The following LANCL1 variants were observed in gnomAD, a reference collection of about 807,000 sequenced individuals.
LANCL1 encodes the protein LanC like glutathione S-transferase 1, also known as glutathione S-transferase LANCL1.
Under a neutral mutation model 50.6 loss-of-function variants are expected in LANCL1, and 50 were observed. That is an observed-to-expected ratio of 0.99 (90% CI 0.79 to 1.25). The LOEUF (loss-of-function observed/expected upper bound fraction) is 1.25. LANCL1 is among the 50% of genes most tolerant of loss of function. LANCL1 has a pLI of 0.00. For synonymous variants in LANCL1, 188 were observed against 178.6 expected, an observed-to-expected ratio of 1.05 and a Z score of -0.42; for missense variants, 532 against 480.7, an observed-to-expected ratio of 1.11 and a Z score of -1.00.
chr2:210,453,175 A>G (rs2105906008), intron 4 of LANCL1, among the ~76,000 whole-genome samples: 1 of 152,332 alleles, frequency 6.6e-6, no homozygotes, highest in East Asian at 1.9e-4. Context: ...TACTGGCTAT[A>G]AATACTGTCG....
intron 3 of LANCL1, among the ~76,000 whole-genome samples, chr2:210,464,685 G>GACT (rs1473668420): frequency 2.0e-4 from 31 of 152,100 alleles, no homozygotes; most frequent in African/African-American, 6.5e-4. Context: ...TATGCGTACA[G>GACT]GCCGGGCGCG....
intron 4 of LANCL1, among the ~76,000 whole-genome samples, chr2:210,451,484 A>T (rs191434867): frequency 2.2e-3 from 340 of 152,332 alleles, no homozygotes; most frequent in African/African-American, 7.8e-3. Context: ...ACAACAAAAA[A>T]GTAGAAGCAT....
intron 6 of LANCL1, among the ~76,000 whole-genome samples, chr2:210,440,354 G>A (rs187417430): frequency 6.6e-6 from 1 of 152,322 alleles, no homozygotes; most frequent in Non-Finnish European, 1.5e-5. Context: ...CACTAAGTGG[G>A]CAAGCACGAT....
chr2:210,474,986 G>C (rs1400872805), intron 2 of LANCL1, among the ~76,000 whole-genome samples: 1 of 152,152 alleles, frequency 6.6e-6, no homozygotes, highest in Admixed American at 6.5e-5. Context: ...CTGACCTGAA[G>C]ATAATTATAA....
Position 210,435,443 on chromosome 2 carries a change from A to G in LANCL1, c.1067T>C (p.Leu356Ser). The G allele has an allele frequency of 6.2e-7, 1 of 1,613,518 alleles. No individual in the cohort carries two copies. The highest frequency in any genetic ancestry group is 8.5e-7 in the Non-Finnish European group (1 of 1,179,524). Residue 356 changes from leucine to serine, a missense_variant, in exon 9 of 10, where the codon TTA (leucine) becomes TCA (serine). Leu to Ser is a moderately radical substitution (Grantham distance 145). Transcript: ENST00000450366. ...YRACKFAEWC[L>S]EYGEHGCRTP... ...TCTGCATCCATGTTCTCCATACTCT[A>G]AGCACCATTCAGCAAACTGAAAATG...
chr2:210,437,672 C>G lies in LANCL1; in HGVS notation c.873+18G>C. Reference sequence around the variant, plus strand: ...TTTGGTTATTTAAAAAAATTTATTTCAAAAATACACACAGTACCTTATAGG... The same window carrying G: ...TTTGGTTATTTAAAAAAATTTATTTGAAAAATACACACAGTACCTTATAGG... On this transcript the variant is annotated intron_variant, in intron 7 of 9. Transcript: ENST00000450366. 1 of 1,415,682 alleles carries G rather than the reference C, an allele frequency of 7.1e-7. No individual in the cohort carries two copies. The highest frequency in any genetic ancestry group is 1.8e-5 in the South Asian group (1 of 55,662). The allele number at this position is 1,415,682 out of a possible 1,614,324, so 87.7% of individuals were successfully genotyped here.
At chr2:210,468,222 C>T (rs973507025) in intron 3 of LANCL1, 1 of 150,098 alleles carries the variant, frequency 6.7e-6, no homozygotes, top group African/African-American at 2.4e-5. Flanking sequence ...TGTTGTGAAT[C>T]AAAATCCAAA....
chr2:210,471,566 G>C (rs889314268), intron 3 of LANCL1: 1 of 462,038 alleles, frequency 2.2e-6, no homozygotes, highest in Non-Finnish European at 4.3e-6. Context: ...CATGCTTCTG[G>C]ACATATTTTA....
chr2:210,433,080 C>T lies in LANCL1; in HGVS notation c.*1407G>A, dbSNP rs935278995. 1 of 152,550 alleles carries T rather than the reference C, an allele frequency of 6.6e-6. No homozygotes were observed. Among genetic ancestry groups the T allele is most frequent in the African/African-American group, 2.4e-5 (1 of 41,402 alleles). The allele number at this position is 152,550 out of a possible 1,614,324, so 9.4% of individuals were successfully genotyped here. ...CAATAAAAATAGCATGTTTTTGTGA[C>T]CAAGAGAGCTGTGAAATAGGCACAT... On this transcript the variant is annotated 3_prime_UTR_variant, in exon 10 of 10. Transcript: ENST00000450366.
intron 4 of LANCL1, among the ~76,000 whole-genome samples, chr2:210,447,878 G>A (rs1001694457): frequency 6.6e-6 from 1 of 152,136 alleles, no homozygotes; most frequent in African/African-American, 2.4e-5. Context: ...GACCTACAAA[G>A]AGACTTAGAC....
chr2:210,454,512 C>G (rs1264927148), intron 4 of LANCL1, among the ~76,000 whole-genome samples: 1 of 152,150 alleles, frequency 6.6e-6, no homozygotes, highest in South Asian at 2.1e-4. Flanking sequence ...AGTGTTAGCA[C>G]GCGCAGTGGA....
intron 4 of LANCL1, among the ~76,000 whole-genome samples, chr2:210,454,275 G>C (rs1263860084): frequency 2.7e-5 from 4 of 150,760 alleles, no homozygotes; most frequent in African/African-American, 7.3e-5. Context: ...TAAACAATAG[G>C]GGTATAAATC....
At chr2:210,445,270 A>G (rs1693282304) in intron 4 of LANCL1, among the ~76,000 whole-genome samples, 2 of 152,216 alleles carry the variant, frequency 1.3e-5, no homozygotes, top group Non-Finnish European at 2.9e-5. Context: ...CCACGGCATT[A>G]ACTCCATTCC....
chr2:210,475,683 C>T (rs1487647714), intron 2 of LANCL1, among the ~76,000 whole-genome samples: 3 of 152,174 alleles, frequency 2.0e-5, no homozygotes. Flanking sequence ...CAATTATGTT[C>T]ACCCAATGAG....
intron 2 of LANCL1, among the ~76,000 whole-genome samples, chr2:210,474,331 A>G (rs1427373933): frequency 6.6e-6 from 1 of 152,194 alleles, no homozygotes; most frequent in East Asian, 1.9e-4. Context: ...CTTCCTTTCT[A>G]GGACCTGTCC....
intron 9 of LANCL1, among the ~76,000 whole-genome samples, chr2:210,435,038 TCACAGCC>T (rs1692877791): frequency 6.6e-6 from 1 of 152,118 alleles, no homozygotes; most frequent in Non-Finnish European, 1.5e-5. Flanking sequence ...CAAGTTCAAG[TCACAGCC>T]CTGCCATTTA....
chr2:210,473,151 G>A (rs890929982), intron 2 of LANCL1, among the ~76,000 whole-genome samples: 3 of 152,154 alleles, frequency 2.0e-5, no homozygotes, highest in South Asian at 2.1e-4. Flanking sequence ...CGAGGTGGGC[G>A]GATAACCTGA....
chr2:210,460,792 TG>T (rs1185832928), intron 3 of LANCL1: 1 of 152,170 alleles, frequency 6.6e-6, no homozygotes, highest in Non-Finnish European at 1.5e-5. Flanking sequence ...ACAGATGATC[TG>T]GGGAGGAAAC....
intron 7 of LANCL1, 72 bp downstream of exon 7, chr2:210,437,618 A>G (rs1559705582): frequency 1.0e-5 from 9 of 858,870 alleles, no homozygotes; most frequent in Non-Finnish European, 1.5e-5. Context: ...TTTATGGATT[A>G]GGATAAAACT....
Sources: allele counts gnomAD v4.1 joint callset (sites outside exome capture counted in the v4.1 genomes callset), GRCh38; gene constraint gnomAD v4.1.1; transcripts MANE v1.5; gene names NCBI Gene and HGNC (gene_info 2026-07-23, HGNC 2026-07-21).